PHTF2: variants seen among roughly 807,000 people sequenced by gnomAD.
The protein encoded by PHTF2 is protein PHTF2.
In PHTF2, 60 loss-of-function variants were observed where a neutral mutation model predicts 101.2. That is an observed-to-expected ratio of 0.59 (90% CI 0.48 to 0.73). The LOEUF is 0.73. Ranked by LOEUF, PHTF2 falls within the 30% of genes least tolerant of loss-of-function variation. The probability of loss-of-function intolerance (pLI) is 0.00; values close to 1 mark genes in which losing one functional copy is unlikely to be tolerated. For missense variants in PHTF2, 747 were observed against 908.7 expected (o/e 0.82, Z 2.29); for synonymous variants, 311 against 307.3 (o/e 1.01, Z -0.13).
intron 12 of PHTF2, among the ~76,000 whole-genome samples, chr7:77,936,809 G>A (rs1029385243): frequency 6.6e-6 from 1 of 151,338 alleles, no homozygotes; most frequent in South Asian, 2.1e-4. Flanking sequence ...TTATATAAAG[G>A]TTTAGTGTTT....
chr7:77,844,133 A>C (rs138277156), intron 2 of PHTF2, among the ~76,000 whole-genome samples: 1 of 151,712 alleles, frequency 6.6e-6, no homozygotes, highest in Non-Finnish European at 1.5e-5. Flanking sequence ...AAGTAGCTGG[A>C]ACTACAGGCT....
At chr7:77,810,174 C>T (rs115972997) in intron 1 of PHTF2, among the ~76,000 whole-genome samples, 98 of 152,094 alleles carry the variant, frequency 6.4e-4, no homozygotes, top group African/African-American at 2.1e-3. Flanking sequence ...TTTTCTTTCT[C>T]GATATATATA....
chr7:77,834,441 C>T (rs1224545923), intron 1 of PHTF2, among the ~76,000 whole-genome samples: 1 of 151,832 alleles, frequency 6.6e-6, no homozygotes, highest in African/African-American at 2.4e-5. Context: ...ATCACAAATT[C>T]CAGAAACATG....
At chr7:77,821,069 TA>T (rs1227172472) in intron 1 of PHTF2, among the ~76,000 whole-genome samples, 3 of 152,208 alleles carry the variant, frequency 2.0e-5, no homozygotes, top group African/African-American at 4.8e-5. Context: ...TGAAAGGTTT[TA>T]TTTCTCCTTC....
intron 3 of PHTF2, among the ~76,000 whole-genome samples, chr7:77,859,734 T>G (rs986350949): frequency 6.6e-6 from 1 of 152,160 alleles, no homozygotes. Context: ...CACACCTGGC[T>G]AATTTTTTTA....
chr7:77,890,531 G>A (rs997596547), intron 3 of PHTF2, among the ~76,000 whole-genome samples: 23 of 151,648 alleles, frequency 1.5e-4, no homozygotes, highest in African/African-American at 5.1e-4. Context: ...AAACATATTG[G>A]TGCCTATTCT....
intron 3 of PHTF2, among the ~76,000 whole-genome samples, chr7:77,881,617 C>T (rs62462687): frequency 2.0e-5 from 3 of 151,890 alleles, no homozygotes; most frequent in Non-Finnish European, 4.4e-5. Flanking sequence ...ATAATCTGCT[C>T]ACCTCGGCCT....
At chr7:77,915,585 C>T (rs976460865) in intron 9 of PHTF2, among the ~76,000 whole-genome samples, 1 of 152,076 alleles carries the variant, frequency 6.6e-6, no homozygotes, top group African/African-American at 2.4e-5. Flanking sequence ...TAAATTACTA[C>T]AATATTTGCA....
intron 4 of PHTF2, 80 bp from the exon 4 acceptor site, chr7:77,893,902 G>A: frequency 9.6e-7 from 1 of 1,038,440 alleles, no homozygotes; most frequent in Non-Finnish European, 1.5e-6. Context: ...TTTTTTGTCA[G>A]CTTTTTTCCC....
intron 2 of PHTF2, among the ~76,000 whole-genome samples, chr7:77,847,299 G>A (rs1449714795): frequency 6.6e-6 from 1 of 152,124 alleles, no homozygotes; most frequent in East Asian, 1.9e-4. Context: ...ATAGACAAAT[G>A]CGCTTATTAC....
At chr7:77,883,312 A>G (rs1799564412) in intron 3 of PHTF2, among the ~76,000 whole-genome samples, 1 of 152,104 alleles carries the variant, frequency 6.6e-6, no homozygotes, top group African/African-American at 2.4e-5. Flanking sequence ...AGTGGCCCAG[A>G]TGTCTCTTAT....
chr7:77,930,894 A>G (rs573687275), intron 12 of PHTF2, among the ~76,000 whole-genome samples: 2 of 152,338 alleles, frequency 1.3e-5, no homozygotes, highest in South Asian at 2.1e-4. Context: ...TTTGAAGAAC[A>G]ACAGGGATCT....
At chr7:77,869,025 A>C (rs1798307417) in intron 3 of PHTF2, among the ~76,000 whole-genome samples, 1 of 152,206 alleles carries the variant, frequency 6.6e-6, no homozygotes, top group African/African-American at 2.4e-5. Context: ...GCAAAAAAAC[A>C]AAAAAGATCT....
intron 1 of PHTF2, among the ~76,000 whole-genome samples, chr7:77,814,153 A>G (rs1793657309): frequency 1.3e-5 from 2 of 152,188 alleles, no homozygotes; most frequent in Admixed American, 1.3e-4. Context: ...TGTAAATCCA[A>G]TTACAGCAAA....
chr7:77,876,097 T>G (rs1215224858), intron 3 of PHTF2, among the ~76,000 whole-genome samples: 1 of 152,206 alleles, frequency 6.6e-6, no homozygotes, highest in African/African-American at 2.4e-5. Context: ...CTGCACTCTT[T>G]ACTTAACAGT....
At chr7:77,931,036 A>C (rs1427619034) in intron 12 of PHTF2, among the ~76,000 whole-genome samples, 1 of 152,238 alleles carries the variant, frequency 6.6e-6, no homozygotes, top group Non-Finnish European at 1.5e-5. Context: ...TGGATCACTA[A>C]TACATGACAA....
intron 3 of PHTF2, among the ~76,000 whole-genome samples, chr7:77,873,878 G>A (rs1287266710): frequency 6.6e-6 from 1 of 152,152 alleles, no homozygotes; most frequent in Non-Finnish European, 1.5e-5. Flanking sequence ...AGCCACTTGC[G>A]TGATAATAGC....
At chr7:77,901,996 T>C in intron 7 of PHTF2, 76 bp downstream of exon 6, 2 of 740,206 alleles carry the variant, frequency 2.7e-6, no homozygotes, top group Non-Finnish European at 4.1e-6. Context: ...GTTTTAAACA[T>C]ATGCTAACTA....
chr7:77,947,837 C>CTTTTTTTTTTTTTTTTTTTT lies in PHTF2; in HGVS notation c.1960-1823_1960-1822insTTTTTTTTTTTTTTTTTTTT. ...TTATTTTCTTTTTTCTTTTTTCTTT[C>CTTTTTTTTTTTTTTTTTTTT]TTTTTTTTTTTTTTTTTTGAGACAG... On this transcript the variant is annotated intron_variant, in intron 16 of 19. Coordinates refer to ENST00000416283, the Ensembl canonical transcript of PHTF2. Among the ~76,000 whole-genome samples the CTTTTTTTTTTTTTTTTTTTT allele has an allele frequency of 1.5e-3, 111 of 73,802 alleles. 24 individuals are homozygous for CTTTTTTTTTTTTTTTTTTTT. Among genetic ancestry groups the CTTTTTTTTTTTTTTTTTTTT allele is most frequent in the African/African-American group, 1.7e-3 (29 of 17,474 alleles). 48.4% of individuals were successfully genotyped at this position (73,802 alleles called of 152,430 possible). A position where few individuals can be genotyped will look rare whatever the true frequency, so the allele number is the denominator to read the frequency against.
Sources: allele counts gnomAD v4.1 joint callset (sites outside exome capture counted in the v4.1 genomes callset), GRCh38; gene constraint gnomAD v4.1.1; transcripts MANE v1.5; gene names NCBI Gene and HGNC (gene_info 2026-07-23, HGNC 2026-07-21).